IFNG-AS1: variants seen among roughly 807,000 people sequenced by gnomAD.
IFNG-AS1 encodes the protein IFNG regulatory antisense RNA 1, also known as IFNG antisense RNA 1 (non-protein coding).
intron 2 of IFNG-AS1, among the ~76,000 whole-genome samples, chr12:68,004,865 T>C (rs1879871019): frequency 1.3e-5 from 2 of 152,166 alleles, no homozygotes; most frequent in South Asian, 4.1e-4. Flanking sequence ...GGGATGCATA[T>C]ACTAAAAACC....
chr12:68,009,964 T>G (rs1879989161), intron 3 of IFNG-AS1, among the ~76,000 whole-genome samples: 1 of 152,230 alleles, frequency 6.6e-6, no homozygotes, highest in Non-Finnish European at 1.5e-5. Context: ...TTGAAAGTGT[T>G]GATAGTTGAT....
intron 3 of IFNG-AS1, among the ~76,000 whole-genome samples, chr12:68,016,648 T>C (rs1280202008): frequency 1.3e-5 from 2 of 152,204 alleles, no homozygotes; most frequent in African/African-American, 4.8e-5. Flanking sequence ...GATCATTTCC[T>C]TCACATGAGA....
intron 3 of IFNG-AS1, among the ~76,000 whole-genome samples, chr12:68,017,229 C>A (rs192928011): frequency 1.3e-5 from 2 of 152,206 alleles, no homozygotes; most frequent in African/African-American, 2.4e-5. Flanking sequence ...ACAAGAGGAA[C>A]GGTGGTATGA....
intron 3 of IFNG-AS1, among the ~76,000 whole-genome samples, chr12:68,012,018 G>T (rs1336487047): frequency 2.6e-5 from 4 of 152,040 alleles, no homozygotes; most frequent in Admixed American, 2.0e-4. Flanking sequence ...TTTCATGTGG[G>T]GGTGTTAATT....
At chr12:67,993,413 G>C (rs1879561814) in intron 1 of IFNG-AS1, among the ~76,000 whole-genome samples, 1 of 152,150 alleles carries the variant, frequency 6.6e-6, no homozygotes, top group South Asian at 2.1e-4. Flanking sequence ...AAAGGTCATT[G>C]AGGAATCTTA....
chr12:68,013,803 T>A (rs1443498755), intron 3 of IFNG-AS1, among the ~76,000 whole-genome samples: 1 of 152,188 alleles, frequency 6.6e-6, no homozygotes, highest in Non-Finnish European at 1.5e-5. Context: ...GCTTTCTTTT[T>A]CCCATAGGAT....
chr12:68,000,562 T>C (rs1397540241), intron 2 of IFNG-AS1, among the ~76,000 whole-genome samples: 1 of 152,004 alleles, frequency 6.6e-6, no homozygotes, highest in Non-Finnish European at 1.5e-5. Flanking sequence ...AGTCCCAGAT[T>C]TGAGAAGGCT....
intron 3 of IFNG-AS1, among the ~76,000 whole-genome samples, chr12:68,007,290 A>G (rs1432827727): frequency 6.6e-6 from 1 of 152,246 alleles, no homozygotes; most frequent in Non-Finnish European, 1.5e-5. Flanking sequence ...GGCACACAGT[A>G]AGCACTCTAT....
chr12:67,994,016 G>T (rs1879576285), intron 1 of IFNG-AS1, among the ~76,000 whole-genome samples: 1 of 152,154 alleles, frequency 6.6e-6, no homozygotes, highest in African/African-American at 2.4e-5. Context: ...TAAGGTTGAT[G>T]GTTAGTACCA....
intron 2 of IFNG-AS1, among the ~76,000 whole-genome samples, chr12:67,999,125 A>C (rs1217654971): frequency 6.6e-6 from 1 of 151,518 alleles, no homozygotes; most frequent in Non-Finnish European, 1.5e-5. Flanking sequence ...ATAATAGATA[A>C]GATAGATAGA....
intron 1 of IFNG-AS1, among the ~76,000 whole-genome samples, chr12:67,995,361 C>T (rs956735404): frequency 1.4e-5 from 2 of 139,404 alleles, no homozygotes; most frequent in Admixed American, 1.6e-4. Flanking sequence ...GCGGAGGCTG[C>T]AGTGAGCTGA....
At chr12:67,995,812 AT>A (rs551362395) in intron 1 of IFNG-AS1, 6 of 152,322 alleles carry the variant, frequency 3.9e-5, no homozygotes, top group Non-Finnish European at 4.4e-5. Context: ...ACTGAGGATT[AT>A]TTATCCCAAC....
intron 3 of IFNG-AS1, among the ~76,000 whole-genome samples, chr12:68,016,217 T>G (rs908390632): frequency 1.3e-5 from 2 of 152,114 alleles, no homozygotes; most frequent in Non-Finnish European, 2.9e-5. Flanking sequence ...ACCTCAGATC[T>G]CCTCTCTTGC....
intron 1 of IFNG-AS1, among the ~76,000 whole-genome samples, chr12:67,989,755 A>G (rs1315756291): frequency 6.6e-6 from 1 of 152,098 alleles, no homozygotes; most frequent in Non-Finnish European, 1.5e-5. Context: ...GCTGGGGTGG[A>G]GAGGAGGAAG....
intron 2 of IFNG-AS1, among the ~76,000 whole-genome samples, chr12:68,005,447 G>A (rs1000063486): frequency 9.9e-5 from 15 of 152,024 alleles, no homozygotes; most frequent in Admixed American, 7.9e-4. Context: ...CCACCTCTTT[G>A]GAAATGTCCT....
chr12:67,995,722 C>CAAAAA (rs34179056), intron 1 of IFNG-AS1, among the ~76,000 whole-genome samples: 14 of 77,240 alleles, frequency 1.8e-4, no homozygotes, highest in Admixed American at 2.8e-4. Flanking sequence ...ACTCGGTCTC[C>CAAAAA]AAAAAAAAAA....
chr12:68,002,290 C>T (rs892325495), intron 2 of IFNG-AS1, among the ~76,000 whole-genome samples: 1 of 152,204 alleles, frequency 6.6e-6, no homozygotes, highest in African/African-American at 2.4e-5. Flanking sequence ...ACGTGCATAG[C>T]ACACACCCAG....
At chr12:67,991,087 T>G (rs1879501496) in intron 1 of IFNG-AS1, among the ~76,000 whole-genome samples, 1 of 152,164 alleles carries the variant, frequency 6.6e-6, no homozygotes, top group African/African-American at 2.4e-5. Flanking sequence ...CATATCACAG[T>G]AAAATGATAC....
At chr12:68,009,755 CT>C (rs1240426905) in intron 3 of IFNG-AS1, among the ~76,000 whole-genome samples, 2 of 152,130 alleles carry the variant, frequency 1.3e-5, no homozygotes, top group African/African-American at 2.4e-5. Context: ...GAGATCTTGT[CT>C]TTTTCCATCT....
Sources: allele counts gnomAD v4.1 joint callset (sites outside exome capture counted in the v4.1 genomes callset), GRCh38; gene constraint gnomAD v4.1.1; transcripts MANE v1.5; gene names NCBI Gene and HGNC (gene_info 2026-07-23, HGNC 2026-07-21).